DCC: variants seen among roughly 807,000 people sequenced by gnomAD.
The protein encoded by DCC is DCC netrin 1 receptor, also known as netrin receptor DCC.
In DCC, 58 loss-of-function variants were observed where a neutral mutation model predicts 172.5. The ratio of observed to expected loss-of-function variants is 0.34; its 90% CI spans 0.27 to 0.42. The LOEUF (loss-of-function observed/expected upper bound fraction) is 0.42, where lower values mean the gene tolerates loss of function less well. Ranked by LOEUF, DCC falls within the 10% of genes least tolerant of loss-of-function variation. The probability of loss-of-function intolerance (pLI) is 1.00; values close to 1 mark genes in which losing one functional copy is unlikely to be tolerated. For synonymous variants in DCC, 709 were observed against 644.5 expected, an observed-to-expected ratio of 1.10 and a Z score of -1.52; for missense variants, 1,740 against 1,791.0, an observed-to-expected ratio of 0.97 and a Z score of 0.51.
At chr18:52,590,995 A>C (rs2033787501) in intron 1 of DCC, among the ~76,000 whole-genome samples, 1 of 152,226 alleles carries the variant, frequency 6.6e-6, no homozygotes, top group Non-Finnish European at 1.5e-5. Context: ...AATTCAGCCA[A>C]CATTAAAAAT....
intron 2 of DCC, among the ~76,000 whole-genome samples, chr18:52,829,946 C>T (rs958994971): frequency 1.3e-5 from 2 of 151,998 alleles, no homozygotes; most frequent in African/African-American, 4.8e-5. Context: ...CAGGGAAGCA[C>T]CCACTGAGAA....
intron 5 of DCC, among the ~76,000 whole-genome samples, chr18:52,945,917 T>C (rs928988539): frequency 3.3e-5 from 5 of 152,204 alleles, no homozygotes; most frequent in African/African-American, 1.2e-4. Context: ...TCTGGAAAAC[T>C]AGAAGACATG....
At chr18:53,301,047 C>T (rs1287533789) in intron 12 of DCC, among the ~76,000 whole-genome samples, 3 of 111,116 alleles carry the variant, frequency 2.7e-5, no homozygotes, top group Admixed American at 9.9e-5. Flanking sequence ...TCTTCCTTTC[C>T]TTTCCTGTCC....
chr18:52,727,042 A>T (rs2036561641), intron 1 of DCC, among the ~76,000 whole-genome samples: 1 of 152,186 alleles, frequency 6.6e-6, no homozygotes, highest in Non-Finnish European at 1.5e-5. Flanking sequence ...CTCACATATA[A>T]CTCAGATGGT....
chr18:53,322,005 G>T (rs756203964), intron 13 of DCC, 42 bp from the exon 14 acceptor site: 3 of 1,045,472 alleles, frequency 2.9e-6, no homozygotes, highest in South Asian at 2.5e-5. Context: ...AATACTTGGT[G>T]CATAGTAACT....
intron 12 of DCC, among the ~76,000 whole-genome samples, chr18:53,294,737 T>C (rs928493093): frequency 5.9e-5 from 9 of 152,138 alleles, no homozygotes; most frequent in African/African-American, 2.2e-4. Flanking sequence ...ATGATTTGAT[T>C]TGAAGTTGAA....
At position 52,395,521 on chromosome 18, in the gene DCC, C is replaced by T. The variant is rs930880091; in HGVS notation, c.91+54643C>T. On this transcript the variant is annotated intron_variant, in intron 1 of 28. Coordinates refer to ENST00000442544, the MANE Select transcript of DCC (RefSeq NM_005215.4). ...AGTCCCTTGGTCCCTTCAGGGAAACCAAAGATACTCAGGCCAATAATTTAA... is the reference window on the plus strand; with the variant it reads ...AGTCCCTTGGTCCCTTCAGGGAAACTAAAGATACTCAGGCCAATAATTTAA... 6.6e-5 allele frequency among the ~76,000 whole-genome samples: 10 copies of T among 151,916 alleles called. 1 individual carries two copies. Among genetic ancestry groups the T allele is most frequent in the African/African-American group, 2.4e-4 (10 of 41,382 alleles).
chr18:52,871,389 A>G (rs2039315917), intron 2 of DCC, among the ~76,000 whole-genome samples: 1 of 152,140 alleles, frequency 6.6e-6, no homozygotes, highest in Admixed American at 6.5e-5. Flanking sequence ...GCAAAACTGA[A>G]CAGTCTGTAG....
chr18:53,136,193 T>TTATCTATCTATCTATC (rs149182187), intron 7 of DCC, among the ~76,000 whole-genome samples: 38,263 of 148,838 alleles, frequency 0.26, 6,384 homozygotes, highest in East Asian at 0.53. Context: ...GCATGTGATT[T>TTATCTATCTATCTATC]TATCTATCTA....
In DCC at chr18:52,963,184, T is replaced by C. The variant is rs1184666789; in HGVS notation, c.985+37814T>C. Reference sequence around the variant, plus strand: ...GCCAATTTGAGTAGACAGCTCTCAATTCCATTTTTAAAATATCAAGGGATA... The same window carrying C: ...GCCAATTTGAGTAGACAGCTCTCAACTCCATTTTTAAAATATCAAGGGATA... On this transcript the variant is annotated intron_variant, in intron 5 of 28. Coordinates refer to ENST00000442544, the MANE Select transcript of DCC (RefSeq NM_005215.4). Among the ~76,000 whole-genome samples the C allele has an allele frequency of 1.1e-4, 16 of 151,980 alleles. No homozygotes were observed. The East Asian group carries it at 2.9e-3, about 28-fold the overall frequency.
intron 21 of DCC, among the ~76,000 whole-genome samples, chr18:53,428,846 TAATA>T (rs1275631895): frequency 1.5e-4 from 5 of 33,746 alleles, no homozygotes; most frequent in African/African-American, 5.1e-4. Context: ...ATTTTATATA[TAATA>T]AATTATATAT....
intron 1 of DCC, among the ~76,000 whole-genome samples, chr18:52,621,349 G>T (rs2034475348): frequency 6.6e-6 from 1 of 152,164 alleles, no homozygotes; most frequent in Non-Finnish European, 1.5e-5. Context: ...TTTGAAACAG[G>T]GATTAGAACT....
intron 13 of DCC, among the ~76,000 whole-genome samples, chr18:53,313,639 A>G (rs530588085): frequency 6.6e-6 from 1 of 152,308 alleles, no homozygotes; most frequent in African/African-American, 2.4e-5. Context: ...AAAATAATAG[A>G]ATCATCAATT....
At chr18:53,186,450 C>T (rs2055283934) in intron 9 of DCC, among the ~76,000 whole-genome samples, 1 of 152,144 alleles carries the variant, frequency 6.6e-6, no homozygotes, top group African/African-American at 2.4e-5. Context: ...CATGCTGGTG[C>T]AGCTGAATGA....
chr18:52,833,700 A>C (rs2038655800), intron 2 of DCC, among the ~76,000 whole-genome samples: 1 of 152,152 alleles, frequency 6.6e-6, no homozygotes, highest in Admixed American at 6.5e-5. Flanking sequence ...ATGGACTTCA[A>C]ACTGTTTAAA....
intron 1 of DCC, among the ~76,000 whole-genome samples, chr18:52,690,234 C>T (rs1170394423): frequency 4.6e-5 from 7 of 152,160 alleles, no homozygotes; most frequent in African/African-American, 1.2e-4. Flanking sequence ...GCACTGAGTG[C>T]TCAACACTGT....
intron 7 of DCC, among the ~76,000 whole-genome samples, chr18:53,128,903 A>G (rs898950640): frequency 4.0e-5 from 5 of 124,100 alleles, no homozygotes; most frequent in Non-Finnish European, 8.3e-5. Context: ...ATATATATAT[A>G]TTATTTGGAG....
At chr18:52,931,985 G>T (rs1000375571) in intron 5 of DCC, 1 of 152,046 alleles carries the variant, frequency 6.6e-6, no homozygotes, top group African/African-American at 2.4e-5. Flanking sequence ...TGTAAACAGG[G>T]ACTCTGGGAA....
chr18:52,859,788 G>T (rs149319421), intron 2 of DCC, among the ~76,000 whole-genome samples: 2 of 152,102 alleles, frequency 1.3e-5, no homozygotes, highest in Non-Finnish European at 2.9e-5. Flanking sequence ...ATATTTTGGG[G>T]TAAATTATTT....
Sources: allele counts gnomAD v4.1 joint callset (sites outside exome capture counted in the v4.1 genomes callset), GRCh38; gene constraint gnomAD v4.1.1; transcripts MANE v1.5; gene names NCBI Gene and HGNC (gene_info 2026-07-23, HGNC 2026-07-21).